Variants in RFX3 observed in about 807,000 individuals in gnomAD.
RFX3 encodes the protein transcription factor RFX3.
RFX3 carries 14 observed loss-of-function variants against 98.6 expected under a neutral mutation model. The observed-to-expected ratio is 0.14, with a 90% CI of 0.09 to 0.22. The LOEUF is 0.22. Ranked by LOEUF, RFX3 falls within the 10% of genes least tolerant of loss-of-function variation. The probability of loss-of-function intolerance (pLI) is 1.00; values close to 1 mark genes in which losing one functional copy is unlikely to be tolerated. For synonymous variants in RFX3, 383 were observed against 328.4 expected (o/e 1.17, Z -1.80); for missense variants, 639 against 926.9 (o/e 0.69, Z 4.03).
intron 1 of RFX3, among the ~76,000 whole-genome samples, chr9:3,423,783 A>ATC (rs1554704316): frequency 1.1e-5 from 1 of 89,282 alleles, no homozygotes; most frequent in African/African-American, 6.4e-5. Context: ...ATTTTCATAT[A>ATC]TATATATATA....
chr9:3,443,967 G>A (rs1845823743), intron 1 of RFX3, among the ~76,000 whole-genome samples: 1 of 152,178 alleles, frequency 6.6e-6, no homozygotes, highest in Admixed American at 6.5e-5. Context: ...ATACAATGCT[G>A]GTTGGAATTT....
At chr9:3,508,805 T>C (rs375988062) in intron 1 of RFX3, among the ~76,000 whole-genome samples, 24 of 151,996 alleles carry the variant, frequency 1.6e-4, no homozygotes, top group African/African-American at 5.3e-4. Context: ...TCAGGTTACA[T>C]TGGGAAGTTC....
chr9:3,245,834 T>C (rs555426800), intron 15 of RFX3, among the ~76,000 whole-genome samples: 1 of 152,182 alleles, frequency 6.6e-6, no homozygotes. Context: ...GATTTTGGCC[T>C]GATGTGTTAC....
intron 1 of RFX3, among the ~76,000 whole-genome samples, chr9:3,457,225 A>G (rs1847275606): frequency 6.6e-6 from 1 of 151,156 alleles, no homozygotes; most frequent in Non-Finnish European, 1.5e-5. Flanking sequence ...AAATAGGAGA[A>G]TTCTACCTTT....
At chr9:3,428,224 ATTACT>A (rs1163951034) in intron 1 of RFX3, among the ~76,000 whole-genome samples, 3 of 152,126 alleles carry the variant, frequency 2.0e-5, no homozygotes, top group African/African-American at 7.2e-5. Context: ...TCTTGCACAC[ATTACT>A]TTAAACTGTT....
chr9:3,264,832 T>A (rs895646908), intron 12 of RFX3, among the ~76,000 whole-genome samples: 1 of 152,180 alleles, frequency 6.6e-6, no homozygotes, highest in Non-Finnish European at 1.5e-5. Context: ...CTGTGGTGAA[T>A]CATTCAACCA....
chr9:3,226,722 C>T (rs997826272), intron 16 of RFX3, among the ~76,000 whole-genome samples: 1 of 152,104 alleles, frequency 6.6e-6, no homozygotes, highest in Non-Finnish European at 1.5e-5. Flanking sequence ...CTTTTGTAGA[C>T]ATTTACTTCA....
intron 11 of RFX3, among the ~76,000 whole-genome samples, chr9:3,270,033 G>C (rs1229453699): frequency 1.4e-5 from 2 of 139,622 alleles, no homozygotes; most frequent in African/African-American, 5.9e-5. Context: ...TATATCTACA[G>C]GTTGGCTTTT....
Position 3,470,652 on chromosome 9 carries a change from C to T in RFX3, c.-9+55095G>A, listed in dbSNP as rs912241208. Among the ~76,000 whole-genome samples the T allele has an allele frequency of 2.7e-4, 41 of 152,156 alleles. No individual in the cohort carries two copies. The South Asian group carries it at 3.3e-3, about 12-fold the overall frequency. ...CAAAGCCCAAATTCTTTTCACAGCC[C>T]GATACTAGCTCCAGAGTTCTTCTCT... On this transcript the variant is annotated intron_variant, in intron 1 of 16. Transcript: ENST00000617270.
intron 4 of RFX3, among the ~76,000 whole-genome samples, chr9:3,324,293 C>T (rs1011155543): frequency 1.3e-5 from 2 of 151,950 alleles, no homozygotes; most frequent in Admixed American, 6.6e-5. Flanking sequence ...TTTATGCATA[C>T]TTCTAACTTA....
At chr9:3,405,696 A>T (rs1216849948) in intron 1 of RFX3, among the ~76,000 whole-genome samples, 1 of 152,152 alleles carries the variant, frequency 6.6e-6, no homozygotes, top group Non-Finnish European at 1.5e-5. Context: ...AAATTTAATA[A>T]ATTACTGAGT....
chr9:3,247,536 A>AC (rs1820838734), intron 15 of RFX3: 1 of 988,986 alleles, frequency 1.0e-6, no homozygotes, highest in African/African-American at 1.7e-5. Context: ...CATGTAAAAA[A>AC]CATAGAACTG....
intron 1 of RFX3, among the ~76,000 whole-genome samples, chr9:3,483,467 C>G (rs1020277896): frequency 1.3e-5 from 2 of 152,062 alleles, no homozygotes; most frequent in Non-Finnish European, 2.9e-5. Context: ...ATTTATGGCA[C>G]TGAATGAGAC....
chr9:3,232,617 T>C (rs564154722), intron 15 of RFX3, among the ~76,000 whole-genome samples: 3 of 152,208 alleles, frequency 2.0e-5, no homozygotes, highest in Non-Finnish European at 4.4e-5. Flanking sequence ...ACTTCCTCAT[T>C]TCAGCCTCAC....
intron 4 of RFX3, among the ~76,000 whole-genome samples, chr9:3,307,742 T>C (rs1470895996): frequency 6.6e-6 from 1 of 152,182 alleles, no homozygotes; most frequent in Non-Finnish European, 1.5e-5. Context: ...ATTCTAAGAA[T>C]ACAGATCATT....
intron 2 of RFX3, among the ~76,000 whole-genome samples, chr9:3,389,012 GA>G (rs957432771): frequency 6.6e-6 from 1 of 151,946 alleles, no homozygotes; most frequent in African/African-American, 2.4e-5. Flanking sequence ...TAAAAGGGAG[GA>G]AAAAAATCTT....
At chr9:3,241,763 G>T (rs1819955073) in intron 15 of RFX3, among the ~76,000 whole-genome samples, 1 of 152,190 alleles carries the variant, frequency 6.6e-6, no homozygotes. Flanking sequence ...GCTGTAGGGT[G>T]TAATTTGTTC....
chr9:3,272,077 AATG>A (rs1218806530), intron 9 of RFX3, among the ~76,000 whole-genome samples: 1 of 152,078 alleles, frequency 6.6e-6, no homozygotes, highest in Non-Finnish European at 1.5e-5. Flanking sequence ...GTTAACTGTC[AATG>A]ATGATAATTT....
At chr9:3,521,231 T>C (rs1008547585) in intron 1 of RFX3, among the ~76,000 whole-genome samples, 4 of 152,168 alleles carry the variant, frequency 2.6e-5, no homozygotes, top group Non-Finnish European at 4.4e-5. Flanking sequence ...GATTAAAATA[T>C]CTACATAAGA....
Sources: allele counts gnomAD v4.1 joint callset (sites outside exome capture counted in the v4.1 genomes callset), GRCh38; gene constraint gnomAD v4.1.1; transcripts MANE v1.5; gene names NCBI Gene and HGNC (gene_info 2026-07-23, HGNC 2026-07-21).